The following FGF4 variants were observed in gnomAD, a reference collection of about 807,000 sequenced individuals.
FGF4 encodes the protein heparin secretory transforming protein 1.
Under a neutral mutation model 15.7 loss-of-function variants are expected in FGF4, and 9 were observed. That is an observed-to-expected ratio of 0.57 (90% CI 0.35 to 1.00). The LOEUF is 1.00. Ranked by LOEUF, FGF4 falls within the 50% of genes least tolerant of loss-of-function variation. FGF4 has a pLI of 0.02. For synonymous variants in FGF4, 164 were observed against 144.8 expected, an observed-to-expected ratio of 1.13 and a Z score of -0.95; for missense variants, 286 against 297.3, an observed-to-expected ratio of 0.96 and a Z score of 0.28.
At chr11:69,774,453 C>T (rs564062144) in intron 1 of FGF4, among the ~76,000 whole-genome samples, 1 of 152,298 alleles carries the variant, frequency 6.6e-6, no homozygotes, top group South Asian at 2.1e-4. Context: ...CCCCCTGTGG[C>T]TGCACCGCGC....
Position 69,774,029 on chromosome 11 carries a change from C to T in FGF4, c.439G>A (p.Gly147Ser), listed in dbSNP as rs1855607813. The T allele has an allele frequency of 6.2e-7, 1 of 1,612,380 alleles. No homozygotes were observed. Among genetic ancestry groups the T allele is most frequent in the Non-Finnish European group, 8.5e-7 (1 of 1,179,598 alleles). The change falls in exon 2 of 3, where the codon GGC becomes AGC. Residue 147 changes from glycine (G) to serine (S), a missense_variant. Transcript: ENST00000168712. ...VAMSSKGKLY[G>S]SPFFTDECTF... is the part of the protein sequence containing the mutation. ...CAGACCCCTGCGGTACTCACCGAGC[C>T]ATAGAGCTTGCCCTTGCTGCTCATG...
Position 69,774,010 on chromosome 11 carries a change from C to G in FGF4, c.444+14G>C, listed in dbSNP as rs1398123779. 1 of 1,605,326 alleles carries G rather than the reference C, an allele frequency of 6.2e-7. No individual in the cohort carries two copies. The highest frequency in any genetic ancestry group is 8.5e-7 in the Non-Finnish European group (1 of 1,174,362). Reference sequence around the variant, plus strand: ...TCCCAACTAGGTGCCTAGCCAGACCCCTGCGGTACTCACCGAGCCATAGAG... The same window carrying G: ...TCCCAACTAGGTGCCTAGCCAGACCGCTGCGGTACTCACCGAGCCATAGAG... On this transcript the variant is annotated intron_variant, in intron 2 of 2. Coordinates refer to ENST00000168712, the MANE Select transcript of FGF4 (RefSeq NM_002007.4).
chr11:69,774,395 A>AG (rs1225910590), intron 1 of FGF4, among the ~76,000 whole-genome samples: 1 of 151,586 alleles, frequency 6.6e-6, no homozygotes, highest in Non-Finnish European at 1.5e-5. Context: ...CGCGAGCCCG[A>AG]CCCCAGCGGT....
rs1490713924 is a variant in FGF4 at position 69,774,054 on chromosome 11, G to C, written c.414C>G (p.Ala138=). The change falls in exon 2 of 3, where the codon GCC becomes GCG. Residue 138 remains alanine (A), a synonymous_variant. Coordinates refer to ENST00000168712, the MANE Select transcript of FGF4 (RefSeq NM_002007.4). The part of the protein sequence containing the change: ...IFGVASRFFV[A]MSSKGKLYGS... ...CATAGAGCTTGCCCTTGCTGCTCATGGCCACGAAGAACCGGCTGGCCACGC... is the reference window on the plus strand; with the variant it reads ...CATAGAGCTTGCCCTTGCTGCTCATCGCCACGAAGAACCGGCTGGCCACGC... 2.5e-6 allele frequency: 4 copies of C among 1,613,042 alleles called. No homozygotes were observed. The highest frequency in any genetic ancestry group is 2.2e-5 in the East Asian group (1 of 44,876).
At chr11:69,774,258 C>T (rs1007141125) in intron 1 of FGF4, 131 bp from the exon 2 acceptor site, 5 of 740,624 alleles carry the variant, frequency 6.8e-6, no homozygotes, top group African/African-American at 5.3e-5. Context: ...CCGGCGCAGC[C>T]GCCCCCAAGG....
chr11:69,774,219 G>C, intron 1 of FGF4, 92 bp from the exon 2 acceptor site: 1 of 1,057,460 alleles, frequency 9.5e-7, no homozygotes. Context: ...TATTTCTGGG[G>C]TGGGGTTGGG....
In FGF4 at chr11:69,772,606, C is replaced by T. The variant is rs188716161; in HGVS notation, c.*703G>A. 42 of 152,354 alleles carry T rather than the reference C, an allele frequency of 2.8e-4. No individual in the cohort carries two copies. Among genetic ancestry groups the T allele is most frequent in the African/African-American group, 9.1e-4 (38 of 41,584 alleles). 9.4% of individuals were successfully genotyped at this position (152,354 alleles called of 1,614,324 possible). On this transcript the variant is annotated 3_prime_UTR_variant, in exon 3 of 3. Transcript: ENST00000168712. The stretch of plus-strand genomic sequence containing the variant: ...CATGGAATTTATGAAAGAGCTTCGT[C>T]TTTTCCCCAATAGTCACAGCGATGG...
rs570443793 is a variant in FGF4 at position 69,774,164 on chromosome 11, T to C, written c.341-37A>G. On this transcript the variant is annotated intron_variant, in intron 1 of 2. Transcript: ENST00000168712. ...GCGCAGGTCATTGCGGGGCAGGTGATCCCTGGCCCACTCCGCCCCTCGGCT... is the reference window on the plus strand; with the variant it reads ...GCGCAGGTCATTGCGGGGCAGGTGACCCCTGGCCCACTCCGCCCCTCGGCT... The C allele has an allele frequency of 1.2e-4, 183 of 1,509,982 alleles. No individual in the cohort carries two copies. In the South Asian group the frequency reaches 2.0e-3, roughly 16 times the overall value. 93.5% of individuals were successfully genotyped at this position (1,509,982 alleles called of 1,614,324 possible).
chr11:69,774,885 G>A lies in FGF4; in HGVS notation c.200C>T (p.Ala67Val), dbSNP rs1855621006. The A allele has an allele frequency of 6.7e-7, 1 of 1,488,946 alleles. No individual in the cohort carries two copies. 92.2% of individuals were successfully genotyped at this position (1,488,946 alleles called of 1,614,324 possible). A position where few individuals can be genotyped will look rare whatever the true frequency, so the allele number is the denominator to read the frequency against. The change falls in exon 1 of 3, where the codon GCG (alanine) becomes GTG (valine). Residue 67 changes from alanine to valine, a missense_variant. By Grantham distance (64) the Ala-to-Val change is moderately conservative (BLOSUM62 0). Transcript: ENST00000168712. Reference protein sequence around the residue: ...RLPVAAQPKEAAVQSGAGDYL... With the variant: ...RLPVAAQPKEVAVQSGAGDYL... ...GTCGCCGGCGCCGCTCTGGACGGCC[G>A]CCTCCTTGGGCTGCGCTGCCACCGG...
intron 1 of FGF4, 76 bp downstream of exon 1, chr11:69,774,669 G>A (rs1468128634): frequency 8.4e-7 from 1 of 1,196,434 alleles, no homozygotes. Flanking sequence ...GAGGGTCTCA[G>A]AGTGTGACTG....
At position 69,771,364 on chromosome 11, in the gene FGF4, T is replaced by C. The variant is rs1227356859; in HGVS notation, c.*1945A>G. ...CACATGTTAATTCCTGACAATCTGA[T>C]TGGGCTCTGAGACAAGAAATCTCAT... is the stretch of plus-strand genomic sequence containing the variant. On this transcript the variant is annotated 3_prime_UTR_variant, in exon 3 of 3. Coordinates refer to ENST00000168712, the MANE Select transcript of FGF4 (RefSeq NM_002007.4). 6 of 152,224 alleles carry C rather than the reference T, an allele frequency of 3.9e-5. No individual in the cohort carries two copies. The highest frequency in any genetic ancestry group is 1.9e-4 in the East Asian group (1 of 5,206). The allele number at this position is 152,224 out of a possible 1,614,324, so 9.4% of individuals were successfully genotyped here. A position where few individuals can be genotyped will look rare whatever the true frequency, so the allele number is the denominator to read the frequency against.
chr11:69,774,046 C>A lies in FGF4; in HGVS notation c.422G>T (p.Ser141Ile). 6.2e-7 allele frequency: 1 copy of A among 1,613,140 alleles called. No homozygotes were observed. The highest frequency in any genetic ancestry group is 1.7e-4 in the Middle Eastern group (1 of 6,060). The change falls in exon 2 of 3, where the codon AGC becomes ATC. Residue 141 changes from serine (S) to isoleucine (I), a missense_variant. By Grantham distance (142) the Ser-to-Ile change is moderately radical. Transcript: ENST00000168712. ...VASRFFVAMS[S>I]KGKLYGSPFF... The stretch of plus-strand genomic sequence containing the variant: ...CACCGAGCCATAGAGCTTGCCCTTG[C>A]TGCTCATGGCCACGAAGAACCGGCT...
intron 2 of FGF4, among the ~76,000 whole-genome samples, 191 bp from the exon 3 acceptor site, chr11:69,773,676 C>T (rs1855602756): frequency 2.0e-5 from 3 of 151,958 alleles, no homozygotes; most frequent in Non-Finnish European, 4.4e-5. Context: ...AGCTGGTGCT[C>T]TCACCACCTG....
chr11:69,774,187 G>A, intron 1 of FGF4, 60 bp from the exon 2 acceptor site: 1 of 1,381,096 alleles, frequency 7.2e-7, no homozygotes, highest in Non-Finnish European at 1.0e-6. Context: ...CCGCCCCTCG[G>A]CTTGTTCGCC....
rs749786816 is a variant in FGF4 at position 69,774,145 on chromosome 11, G to A, written c.341-18C>T. 5 of 1,594,482 alleles carry A rather than the reference G, an allele frequency of 3.1e-6. No individual in the cohort carries two copies. The highest frequency in any genetic ancestry group is 3.4e-6 in the Non-Finnish European group (4 of 1,166,834). On this transcript the variant is annotated intron_variant, in intron 1 of 2. Coordinates refer to ENST00000168712, the MANE Select transcript of FGF4 (RefSeq NM_002007.4). ...CAGCAGGCCTGGGGGCGGGGCGCAG[G>A]TCATTGCGGGGCAGGTGATCCCTGG...
chr11:69,775,161 T>A lies in FGF4; in HGVS notation c.-77A>T. 3 of 1,011,866 alleles carry A rather than the reference T, an allele frequency of 3.0e-6. No homozygotes were observed. Among genetic ancestry groups the A allele is most frequent in the Non-Finnish European group, 3.8e-6 (3 of 783,782 alleles). The allele number at this position is 1,011,866 out of a possible 1,614,324, so 62.7% of individuals were successfully genotyped here. A position where few individuals can be genotyped will look rare whatever the true frequency, so the allele number is the denominator to read the frequency against. On this transcript the variant is annotated 5_prime_UTR_variant, in exon 1 of 3. Coordinates refer to ENST00000168712, the MANE Select transcript of FGF4 (RefSeq NM_002007.4). ...GGGGGGCAGAGCTGCGCCTGTGGCGTCCCGCGGGAGCGCACGGCCGACCTC... is the reference window on the plus strand; with the variant it reads ...GGGGGGCAGAGCTGCGCCTGTGGCGACCCGCGGGAGCGCACGGCCGACCTC...
At position 69,775,013 on chromosome 11, in the gene FGF4, C is replaced by A; in HGVS notation, c.72G>T (p.Ala24=). ...TGGGTGCGGCGGCGCCCCCTCGGCCCGCCCAGGGCGCCAGCAAGGCCAGCA... is the reference window on the plus strand; with the variant it reads ...TGGGTGCGGCGGCGCCCCCTCGGCCAGCCCAGGGCGCCAGCAAGGCCAGCA... ...AVLLALLAPW[A]GRGGAAAPTA... is the part of the protein sequence containing the mutation. The change falls in exon 1 of 3, where the codon GCG becomes GCT. Residue 24 remains alanine, a synonymous_variant. Transcript: ENST00000168712. 1.4e-6 allele frequency: 2 copies of A among 1,441,026 alleles called. No individual in the cohort carries two copies. Among genetic ancestry groups the A allele is most frequent in the Admixed American group, 2.7e-5 (1 of 36,778 alleles). 89.3% of individuals were successfully genotyped at this position (1,441,026 alleles called of 1,614,324 possible).
chr11:69,773,577 C>T (rs1855601822), intron 2 of FGF4, 92 bp from the exon 3 acceptor site: 2 of 1,094,064 alleles, frequency 1.8e-6, no homozygotes, highest in Non-Finnish European at 2.7e-6. Flanking sequence ...TTCTGTCCCA[C>T]CCCCCACCCT....
In FGF4 at chr11:69,774,917, C is replaced by A; in HGVS notation, c.168G>T (p.Ala56=). ...RWESLVALSL[A]RLPVAAQPKE... Reference sequence around the variant, plus strand: ...TGGGCTGCGCTGCCACCGGCAGGCGCGCCAACGAGAGCGCCACCAGGCTCT... The same window carrying A: ...TGGGCTGCGCTGCCACCGGCAGGCGAGCCAACGAGAGCGCCACCAGGCTCT... The change falls in exon 1 of 3, where the codon GCG becomes GCT. Residue 56 remains alanine (A), a synonymous_variant. Transcript: ENST00000168712. 6.7e-7 allele frequency: 1 copy of A among 1,481,648 alleles called. No homozygotes were observed. The highest frequency in any genetic ancestry group is 8.9e-7 in the Non-Finnish European group (1 of 1,123,698). 91.8% of individuals were successfully genotyped at this position (1,481,648 alleles called of 1,614,324 possible).
Sources: gnomAD v4.1 joint callset for allele counts (sites outside exome capture counted in the v4.1 genomes callset) on GRCh38, gnomAD v4.1.1 for gene constraint, MANE v1.5 for transcripts, NCBI Gene and HGNC (gene_info 2026-07-23, HGNC 2026-07-21) for gene names.